KCNMA1: variants seen among roughly 807,000 people sequenced by gnomAD.
The protein encoded by KCNMA1 is potassium calcium-activated channel subfamily M alpha 1.
Under a neutral mutation model 140.0 loss-of-function variants are expected in KCNMA1, and 29 were observed. The ratio of observed to expected loss-of-function variants is 0.21; its 90% confidence interval spans 0.15 to 0.28. KCNMA1 has a LOEUF of 0.28. KCNMA1 is among the 10% of genes least tolerant of loss of function. The pLI, the probability that KCNMA1 is intolerant of heterozygous loss-of-function variation, is 1.00. For missense variants in KCNMA1, 880 were observed against 1,602.2 expected (o/e 0.55, Z 7.70); for synonymous variants, 612 against 611.9 (o/e 1.00, Z 0.00).
intron 1 of KCNMA1, among the ~76,000 whole-genome samples, chr10:77,516,395 A>C (rs2050454790): frequency 6.6e-6 from 1 of 152,044 alleles, no homozygotes; most frequent in South Asian, 2.1e-4. Flanking sequence ...ACTTATGGCC[A>C]CCTGGCTTCT....
At chr10:77,521,125 A>C (rs2053239694) in intron 1 of KCNMA1, among the ~76,000 whole-genome samples, 1 of 152,206 alleles carries the variant, frequency 6.6e-6, no homozygotes, top group Non-Finnish European at 1.5e-5. Flanking sequence ...ATAACACACA[A>C]AGCAGGGAGA....
intron 9 of KCNMA1, among the ~76,000 whole-genome samples, chr10:77,107,197 T>TA (rs1336715665): frequency 6.6e-6 from 1 of 152,016 alleles, no homozygotes; most frequent in Non-Finnish European, 1.5e-5. Context: ...TATTTCCTCT[T>TA]AAAAAAACAA....
At position 76,885,722 on chromosome 10, in the gene KCNMA1, T is replaced by A; in HGVS notation, c.*1544A>T. 1.0e-6 allele frequency: 1 copy of A among 985,316 alleles called. No individual in the cohort carries two copies. Among genetic ancestry groups the A allele is most frequent in the Non-Finnish European group, 1.2e-6 (1 of 829,874 alleles). The allele number at this position is 985,316 out of a possible 1,614,324, so 61.0% of individuals were successfully genotyped here. On this transcript the variant is annotated 3_prime_UTR_variant, in exon 28 of 28. Transcript: ENST00000286628. The stretch of plus-strand genomic sequence containing the variant: ...AAATTGGTTATGGTGAATTGGCCAG[T>A]TTTTAAGAAATACCGCACTGCCTAA...
intron 1 of KCNMA1, among the ~76,000 whole-genome samples, chr10:77,622,782 ATT>A (rs900244541): frequency 1.3e-5 from 2 of 152,080 alleles, no homozygotes; most frequent in African/African-American, 4.8e-5. Context: ...GTTTGTTCTG[ATT>A]TTTTTTCCCC....
chr10:77,038,604 ATCAACCTCCTGGGCAGCC>A (rs2094475062), intron 15 of KCNMA1, among the ~76,000 whole-genome samples: 1 of 152,140 alleles, frequency 6.6e-6, no homozygotes, highest in Non-Finnish European at 1.5e-5. Context: ...CAGTTGCGTA[ATCAACCTCCTGGGCAGCC>A]TCAACCTCCT....
chr10:77,011,948 G>C lies in KCNMA1; in HGVS notation c.2092+19C>G. The stretch of plus-strand genomic sequence containing the variant: ...TAGGAATGAGAAAGGGAGGGGACAG[G>C]GAGAGAAACACTACTTACGCCGTTT... On this transcript the variant is annotated intron_variant, in intron 18 of 27. Coordinates refer to ENST00000286628, the MANE Select transcript of KCNMA1 (RefSeq NM_001161352.2). The C allele has an allele frequency of 1.9e-6, 3 of 1,606,098 alleles. No individual in the cohort carries two copies. The highest frequency in any genetic ancestry group is 2.6e-6 in the Non-Finnish European group (3 of 1,172,792).
Position 76,926,893 on chromosome 10 carries a change from A to C in KCNMA1, c.2903-11844T>G, listed in dbSNP as rs944912803. On this transcript the variant is annotated intron_variant, in intron 23 of 27. Transcript: ENST00000286628. ...GCTTGCACATCACAACTCCAGGTAC[A>C]CATCATATCCTCTCTCAGGAGTAGC... 3.9e-5 allele frequency among the ~76,000 whole-genome samples: 6 copies of C among 152,274 alleles called. No individual in the cohort carries two copies. The South Asian group carries it at 8.3e-4, about 21-fold the overall frequency.
intron 1 of KCNMA1, among the ~76,000 whole-genome samples, chr10:77,485,737 G>C (rs2154535890): frequency 6.6e-6 from 1 of 152,284 alleles, no homozygotes; most frequent in East Asian, 1.9e-4. Flanking sequence ...GAGGGAACTG[G>C]ATCAGGGTCA....
chr10:77,218,352 A>G (rs1264411127), intron 3 of KCNMA1, among the ~76,000 whole-genome samples: 3 of 152,220 alleles, frequency 2.0e-5, no homozygotes, highest in African/African-American at 4.8e-5. Flanking sequence ...CAAGTGTTAC[A>G]TTTCTTAAAA....
chr10:77,385,617 G>A (rs1445439982), intron 2 of KCNMA1, among the ~76,000 whole-genome samples: 3 of 152,272 alleles, frequency 2.0e-5, no homozygotes, highest in South Asian at 2.1e-4. Flanking sequence ...AAGTGTATGC[G>A]AATACTCTCC....
intron 1 of KCNMA1, chr10:77,634,015 A>G (rs2093480393): frequency 6.0e-6 from 2 of 331,562 alleles, no homozygotes; most frequent in South Asian, 1.2e-4. Context: ...CCTCTCTCCT[A>G]TATCGAATCA....
chr10:77,255,325 T>A (rs549561120), intron 2 of KCNMA1, among the ~76,000 whole-genome samples: 2 of 151,958 alleles, frequency 1.3e-5, no homozygotes, highest in Admixed American at 1.3e-4. Context: ...AAGGGCAGGG[T>A]GCAGTGGCTC....
chr10:77,025,975 T>C (rs1361557141), intron 16 of KCNMA1, among the ~76,000 whole-genome samples: 1 of 127,092 alleles, frequency 7.9e-6, no homozygotes, highest in Non-Finnish European at 1.6e-5. Flanking sequence ...AAGTCCTTTT[T>C]GCCCTTTTCT....
intron 3 of KCNMA1, among the ~76,000 whole-genome samples, chr10:77,234,749 C>T (rs1295763507): frequency 2.0e-5 from 3 of 152,194 alleles, no homozygotes; most frequent in Non-Finnish European, 4.4e-5. Context: ...GTTAAGGGAA[C>T]TAAGCCTCAG....
chr10:77,580,768 C>T (rs1168160363), intron 1 of KCNMA1, among the ~76,000 whole-genome samples: 1 of 152,218 alleles, frequency 6.6e-6, no homozygotes, highest in Non-Finnish European at 1.5e-5. Flanking sequence ...ACCACTGTTG[C>T]AGGTACCTTT....
chr10:76,890,769 C>T (rs891765397), intron 26 of KCNMA1, among the ~76,000 whole-genome samples: 1 of 152,202 alleles, frequency 6.6e-6, no homozygotes, highest in Non-Finnish European at 1.5e-5. Context: ...ACTTCTGTCA[C>T]AGTGCCTACA....
chr10:77,142,644 T>G (rs370286931), intron 5 of KCNMA1, among the ~76,000 whole-genome samples: 4 of 152,138 alleles, frequency 2.6e-5, no homozygotes, highest in Non-Finnish European at 5.9e-5. Context: ...GGGAAGTAGA[T>G]GGCCTGGTCC....
intron 1 of KCNMA1, among the ~76,000 whole-genome samples, chr10:77,523,328 T>C (rs1040212830): frequency 6.6e-6 from 1 of 152,104 alleles, no homozygotes; most frequent in Admixed American, 6.6e-5. Flanking sequence ...AAAATATGTA[T>C]AGTAAGTAGA....
intron 2 of KCNMA1, among the ~76,000 whole-genome samples, chr10:77,330,310 T>C (rs990973193): frequency 1.3e-5 from 2 of 152,212 alleles, no homozygotes; most frequent in Non-Finnish European, 2.9e-5. Context: ...CTCCACTCCC[T>C]TACCCAGCCA....
Sources: gnomAD v4.1 joint callset for allele counts (sites outside exome capture counted in the v4.1 genomes callset) on GRCh38, gnomAD v4.1.1 for gene constraint, MANE v1.5 for transcripts, NCBI Gene and HGNC (gene_info 2026-07-23, HGNC 2026-07-21) for gene names.